The following C6orf118 variants were observed in gnomAD, a reference collection of about 807,000 sequenced individuals.
C6orf118 encodes uncharacterized protein C6orf118.
A neutral mutation model predicts 50.2 loss-of-function variants in C6orf118; 50 were observed. The ratio of observed to expected loss-of-function variants is 1.00; its 90% CI spans 0.79 to 1.26. The LOEUF is 1.26. Ranked by LOEUF, C6orf118 falls within the 50% of genes most tolerant of loss-of-function variation. The pLI is 0.00. For synonymous variants in C6orf118, 239 were observed against 230.9 expected (o/e 1.03, Z -0.32); for missense variants, 641 against 578.7 (o/e 1.11, Z -1.10).
At chr6:165,286,499 C>T (rs982786294) in intron 7 of C6orf118, among the ~76,000 whole-genome samples, 4 of 152,098 alleles carry the variant, frequency 2.6e-5, no homozygotes, top group African/African-American at 4.8e-5. Context: ...AGGCCAATAC[C>T]TCTGATGAAC....
chr6:165,300,324 A>C, intron 3 of C6orf118, 40 bp downstream of exon 3: 1 of 1,610,230 alleles, frequency 6.2e-7, no homozygotes, highest in Non-Finnish European at 8.5e-7. Flanking sequence ...AACCTCATGC[A>C]AGCTTCTCAA....
rs781332152 is a variant in C6orf118, at chr6:165,289,949, A to T, written c.1239T>A (p.Ile413=). 1.9e-6 allele frequency: 3 copies of T among 1,611,042 alleles called. No individual in the cohort carries two copies. The African/African-American group carries it at 4.0e-5, about 22-fold the overall frequency. ...WDEIQALEKE[I]KTTLVHTGIS... is the part of the protein sequence containing the mutation. ...TTCCAGTATGAACCAAAGTTGTTTT[A>T]ATTTCTTTTTCCAGAGCTTGTATCT... Residue 413 remains isoleucine, a synonymous_variant, in exon 7 of 9, where the codon ATT becomes ATA. Transcript: ENST00000230301.
At chr6:165,281,501 C>G (rs1209447279) in intron 8 of C6orf118, 139 bp downstream of exon 8, 1 of 1,406,680 alleles carries the variant, frequency 7.1e-7, no homozygotes, top group African/African-American at 1.5e-5. Flanking sequence ...CTTCACTGAT[C>G]TTTCCTATGA....
At chr6:165,288,509 C>A (rs1286820286) in intron 7 of C6orf118, among the ~76,000 whole-genome samples, 1 of 152,060 alleles carries the variant, frequency 6.6e-6, no homozygotes, top group Admixed American at 6.6e-5. Context: ...GAACTATTCA[C>A]AATAGCAAAG....
chr6:165,281,592 A>G (rs1259331517), intron 8 of C6orf118, 48 bp downstream of exon 8: 42 of 1,479,982 alleles, frequency 2.8e-5, no homozygotes, highest in Non-Finnish European at 3.8e-5. Context: ...AGCAGTCACC[A>G]GAGGAAATAT....
At position 165,293,399 on chromosome 6, in the gene C6orf118, A is replaced by G; in HGVS notation, c.1120+14T>C. Reference sequence around the variant, plus strand: ...CAAAGCACCCATAAGGAAGGACATCACACAGACACCTGCCTGATCGTTCCT... The same window carrying G: ...CAAAGCACCCATAAGGAAGGACATCGCACAGACACCTGCCTGATCGTTCCT... On this transcript the variant is annotated intron_variant, in intron 6 of 8. Transcript: ENST00000230301. 6.2e-7 allele frequency: 1 copy of G among 1,613,378 alleles called. No homozygotes were observed. Among genetic ancestry groups the G allele is most frequent in the Non-Finnish European group, 8.5e-7 (1 of 1,179,258 alleles).
intron 1 of C6orf118, among the ~76,000 whole-genome samples, chr6:165,307,732 CT>C (rs61553889): frequency 0.04 from 6,108 of 152,248 alleles, 423 homozygotes; most frequent in African/African-American, 0.14. Context: ...AAGAAATGTA[CT>C]TCTGGAAAGA....
chr6:165,303,116 G>A (rs1302864760), intron 1 of C6orf118, among the ~76,000 whole-genome samples: 1 of 152,158 alleles, frequency 6.6e-6, no homozygotes, highest in Non-Finnish European at 1.5e-5. Context: ...AGGGCAGCAG[G>A]CCCATCCATA....
intron 2 of C6orf118, 87 bp from the exon 3 acceptor site, chr6:165,300,573 C>T: frequency 1.5e-6 from 2 of 1,328,208 alleles, no homozygotes; most frequent in Non-Finnish European, 2.1e-6. Flanking sequence ...GAGGACACAG[C>T]TGCCATCACC....
chr6:165,294,262 A>AAAC (rs1780213369), intron 5 of C6orf118, among the ~76,000 whole-genome samples: 4 of 144,606 alleles, frequency 2.8e-5, no homozygotes, highest in African/African-American at 1.1e-4. Flanking sequence ...AGCAAAAAAA[A>AAAC]AAAAACAAAA....
At chr6:165,305,164 T>A (rs1267358094) in intron 1 of C6orf118, among the ~76,000 whole-genome samples, 2 of 54,128 alleles carry the variant, frequency 3.7e-5, no homozygotes, top group African/African-American at 2.5e-4. Context: ...TCAGAAATAA[T>A]GCCACATATC....
chr6:165,286,297 T>C (rs1487732717), intron 7 of C6orf118, among the ~76,000 whole-genome samples: 1 of 150,448 alleles, frequency 6.6e-6, no homozygotes, highest in African/African-American at 2.5e-5. Flanking sequence ...AGTCCACAAA[T>C]TTTTTTTAAA....
chr6:165,281,231 A>G (rs569325741), intron 8 of C6orf118, among the ~76,000 whole-genome samples: 211 of 152,328 alleles, frequency 1.4e-3, no homozygotes, highest in African/African-American at 4.7e-3. Flanking sequence ...GCCCATGTGA[A>G]TTCACCCTCA....
chr6:165,289,640 T>G lies in C6orf118; in HGVS notation c.1302+246A>C, dbSNP rs780502168. Among the ~76,000 whole-genome samples, 9 of 152,288 alleles carry G rather than the reference T, an allele frequency of 5.9e-5. No homozygotes were observed. In the Middle Eastern group the frequency reaches 0.031, roughly 518 times the overall value. On this transcript the variant is annotated intron_variant, in intron 7 of 8. Transcript: ENST00000230301. ...ATTCCACTCTGTATGTTCATGTTACTCAAAAAATTAGGTTTTGGCTATTAA... is the reference window on the plus strand; with the variant it reads ...ATTCCACTCTGTATGTTCATGTTACGCAAAAAATTAGGTTTTGGCTATTAA...
chr6:165,309,232 C>A (rs985655399), intron 1 of C6orf118, among the ~76,000 whole-genome samples: 6 of 152,254 alleles, frequency 3.9e-5, no homozygotes, highest in African/African-American at 1.4e-4. Flanking sequence ...CAGCCTGCAA[C>A]CTGCCGCTTC....
Position 165,290,087 on chromosome 6 carries a change from C to A in C6orf118, c.1121-20G>T, listed in dbSNP as rs1204267947. ...ATGATTCTGGAAATATTTTTTAAAA[C>A]AAAGTATTACCATGTTTAATATCTC... On this transcript the variant is annotated intron_variant, in intron 6 of 8. Coordinates refer to ENST00000230301, the MANE Select transcript of C6orf118 (RefSeq NM_144980.4). The A allele has an allele frequency of 2.0e-6, 3 of 1,465,130 alleles. No individual in the cohort carries two copies. 90.8% of individuals were successfully genotyped at this position (1,465,130 alleles called of 1,614,324 possible). A position where few individuals can be genotyped will look rare whatever the true frequency, so the allele number is the denominator to read the frequency against.
In C6orf118 at chr6:165,289,591, A is replaced by G. The variant is rs372536451; in HGVS notation, c.1302+295T>C. Among the ~76,000 whole-genome samples the G allele has an allele frequency of 2.0e-4, 31 of 152,230 alleles. No individual in the cohort carries two copies. The East Asian group carries it at 4.6e-3, about 23-fold the overall frequency. On this transcript the variant is annotated intron_variant, in intron 7 of 8. Transcript: ENST00000230301. ...CCTCATCCCCCTTCCACACTCCCAC[A>G]TTCTGGAGTCTTCAATGGCTATTAT...
intron 5 of C6orf118, 95 bp downstream of exon 5, chr6:165,297,882 G>T: frequency 6.4e-7 from 1 of 1,558,000 alleles, no homozygotes; most frequent in African/African-American, 1.3e-5. Context: ...TTTCAGCAAC[G>T]CAGAAATCAA....
At chr6:165,283,138 G>A (rs867065398) in intron 7 of C6orf118, among the ~76,000 whole-genome samples, 5 of 152,174 alleles carry the variant, frequency 3.3e-5, no homozygotes, top group Middle Eastern at 3.4e-3. Flanking sequence ...ACCTTCAACT[G>A]AAGTATCCAG....
Sources: gnomAD v4.1 joint callset for allele counts (sites outside exome capture counted in the v4.1 genomes callset) on GRCh38, gnomAD v4.1.1 for gene constraint, MANE v1.5 for transcripts, NCBI Gene and HGNC (gene_info 2026-07-23, HGNC 2026-07-21) for gene names.